The following LYPD3 variants were observed in gnomAD, a reference collection of about 807,000 sequenced individuals.
LYPD3 encodes LY6/PLAUR domain containing 3.
A neutral mutation model predicts 21.7 loss-of-function variants in LYPD3; 22 were observed. The observed-to-expected ratio is 1.01, with a 90% confidence interval of 0.72 to 1.45. The LOEUF is 1.45. LYPD3 is among the 40% of genes most tolerant of loss of function. The pLI is 0.00. For synonymous variants in LYPD3, 179 were observed against 203.0 expected (o/e 0.88, Z 1.00); for missense variants, 471 against 466.9 (o/e 1.01, Z -0.08).
intron 2 of LYPD3, 125 bp from the exon 3 acceptor site, chr19:43,463,894 A>C: frequency 1.0e-6 from 1 of 979,724 alleles, no homozygotes; most frequent in Non-Finnish European, 1.6e-6. Context: ...ACCGACAGGC[A>C]GGAATTGGCG....
chr19:43,463,377 G>C (rs776487728), intron 3 of LYPD3, 90 bp from the exon 4 acceptor site: 3 of 1,478,996 alleles, frequency 2.0e-6, no homozygotes, highest in Non-Finnish European at 2.8e-6. Context: ...GCCTGGCCCC[G>C]GCACTATCGA....
Position 43,463,295 on chromosome 19 carries a change from G to A in LYPD3, c.383-8C>T. The A allele has an allele frequency of 1.2e-6, 2 of 1,600,424 alleles. No individual in the cohort carries two copies. Among genetic ancestry groups the A allele is most frequent in the South Asian group, 1.1e-5 (1 of 91,078 alleles). On this transcript the variant is annotated splice_polypyrimidine_tract_variant and splice_region_variant and intron_variant, in intron 3 of 4. Transcript: ENST00000244333. ...GGTATGCACTCTCATTACCTGCGAG[G>A]GGAGCCGAGAGGAAGAAAAGGTGTC...
In LYPD3 at chr19:43,463,259, G is replaced by A. The variant is rs1427741394; in HGVS notation, c.411C>T (p.Gly137=). ...AGNESAYPPN[G]VECYSCVGLS... Reference sequence around the variant, plus strand: ...GGCCCACACAGCTGTAGCACTCCACGCCGTTGGGCGGGTATGCACTCTCAT... The same window carrying A: ...GGCCCACACAGCTGTAGCACTCCACACCGTTGGGCGGGTATGCACTCTCAT... Residue 137 remains glycine (G), a synonymous_variant, in exon 4 of 5, where the codon GGC becomes GGT. Transcript: ENST00000244333. The A allele has an allele frequency of 1.2e-6, 2 of 1,604,498 alleles. No individual in the cohort carries two copies. Among genetic ancestry groups the A allele is most frequent in the Non-Finnish European group, 8.5e-7 (1 of 1,179,980 alleles).
At chr19:43,462,287 C>T (rs943489901) in intron 4 of LYPD3, among the ~76,000 whole-genome samples, 2 of 152,208 alleles carry the variant, frequency 1.3e-5, no homozygotes, top group Non-Finnish European at 2.9e-5. Flanking sequence ...AACAAACTTC[C>T]TCTACAACCC....
chr19:43,461,287 G>T lies in LYPD3; in HGVS notation c.*64C>A. 6.8e-7 allele frequency: 1 copy of T among 1,478,150 alleles called. No individual in the cohort carries two copies. The allele number at this position is 1,478,150 out of a possible 1,614,324, so 91.6% of individuals were successfully genotyped here. ...CAGTCCAGTGGTGGGAACAGGAAGT[G>T]ATGAGAAGAGGGGTACCCAGGGCCA... On this transcript the variant is annotated 3_prime_UTR_variant, in exon 5 of 5. Transcript: ENST00000244333.
At chr19:43,463,858 G>T in intron 2 of LYPD3, 89 bp from the exon 3 acceptor site, 1 of 1,308,674 alleles carries the variant, frequency 7.6e-7, no homozygotes, top group Non-Finnish European at 1.1e-6. Context: ...GGAGGGGCGG[G>T]GCCTCAAATA....
At position 43,464,363 on chromosome 19, in the gene LYPD3, ACGCCCGGCG is replaced by A; in HGVS notation, c.164_172del (p.Ala55_Gly57del). The A allele has an allele frequency of 6.2e-7, 1 of 1,613,632 alleles. No homozygotes were observed. The highest frequency in any genetic ancestry group is 1.1e-5 in the South Asian group (1 of 91,004). ...CCCCACGGCCTCGGTGCAGACGTCC[ACGCCCGGCG>A]CGCACTTCACTGTCTTCATCTTGTT... is the stretch of plus-strand genomic sequence containing the variant. On this transcript the variant is annotated inframe_deletion, in exon 2 of 5. Coordinates refer to ENST00000244333, the MANE Select transcript of LYPD3 (RefSeq NM_014400.3).
At chr19:43,463,448 A>G (rs1412164952) in intron 3 of LYPD3, 151 bp downstream of exon 3, 42 of 1,368,004 alleles carry the variant, frequency 3.1e-5, no homozygotes, top group Non-Finnish European at 3.9e-5. Flanking sequence ...ACAGCCAGAA[A>G]GTCCCTCCTG....
Position 43,460,887 on chromosome 19 carries a change from T to C in LYPD3, c.*464A>G. On this transcript the variant is annotated 3_prime_UTR_variant, in exon 5 of 5. Transcript: ENST00000244333. Reference sequence around the variant, plus strand: ...GTCCCTGCCCTCGAGGAGCTCACAGTCTAGTAAGGAAGACATATGGGGAAC... The same window carrying C: ...GTCCCTGCCCTCGAGGAGCTCACAGCCTAGTAAGGAAGACATATGGGGAAC... 1 of 182,602 alleles carries C rather than the reference T, an allele frequency of 5.5e-6. No homozygotes were observed. The highest frequency in any genetic ancestry group is 1.2e-5 in the Non-Finnish European group (1 of 86,100). 11.3% of individuals were successfully genotyped at this position (182,602 alleles called of 1,614,324 possible).
At position 43,461,174 on chromosome 19, in the gene LYPD3, A is replaced by G. The variant is rs1480547018; in HGVS notation, c.*177T>C. The G allele has an allele frequency of 5.6e-6, 4 of 712,414 alleles. No individual in the cohort carries two copies. The African/African-American group carries it at 7.2e-5, about 13-fold the overall frequency. The allele number at this position is 712,414 out of a possible 1,614,324, so 44.1% of individuals were successfully genotyped here. On this transcript the variant is annotated 3_prime_UTR_variant, in exon 5 of 5. Coordinates refer to ENST00000244333, the MANE Select transcript of LYPD3 (RefSeq NM_014400.3). ...GAACACCCCTGGCAGAATATATACA[A>G]CGGTATTTTATTTCCCAAAGCCGCA...
chr19:43,461,596 TG>T lies in LYPD3; in HGVS notation c.795del (p.Thr266HisfsTer19), dbSNP rs764989349. On this transcript the variant is annotated frameshift_variant, in exon 5 of 5. Coordinates refer to ENST00000244333, the MANE Select transcript of LYPD3 (RefSeq NM_014400.3). LOFTEE classifies it low-confidence loss of function (END_TRUNC). ...GCTGGCATGGGTTTGGTGGTGGATGTGGGTCTCACTGGGGCCGAGGTAGAAG... is the reference window on the plus strand; with the variant it reads ...GCTGGCATGGGTTTGGTGGTGGATGTGGTCTCACTGGGGCCGAGGTAGAAG... Reference protein sequence around the residue: ...VTTSTSAPVRPTSTTKPMPAP... With the variant: ...VTTSTSAPVRXTSTTKPMPAP... The T allele has an allele frequency of 4.3e-6, 7 of 1,614,058 alleles. No individual in the cohort carries two copies. The highest frequency in any genetic ancestry group is 4.2e-6 in the Non-Finnish European group (5 of 1,180,002).
intron 1 of LYPD3, 37 bp from the exon 2 acceptor site, chr19:43,464,493 T>C: frequency 6.2e-7 from 1 of 1,612,888 alleles, no homozygotes; most frequent in Non-Finnish European, 8.5e-7. Flanking sequence ...GAGCCCTCCT[T>C]GCTAAAGCGT....
intron 4 of LYPD3, 88 bp downstream of exon 4, chr19:43,463,038 G>C: frequency 2.8e-6 from 4 of 1,449,614 alleles, no homozygotes; most frequent in East Asian, 2.3e-5. Flanking sequence ...TTAAGGAAAC[G>C]CTTTGGGTAA....
In LYPD3 at chr19:43,461,731, A is replaced by T. The variant is rs752095569; in HGVS notation, c.661T>A (p.Cys221Ser). 6 of 1,614,112 alleles carry T rather than the reference A, an allele frequency of 3.7e-6. No individual in the cohort carries two copies. Among genetic ancestry groups the T allele is most frequent in the Non-Finnish European group, 4.2e-6 (5 of 1,180,020 alleles). Residue 221 changes from cysteine to serine, a missense_variant, in exon 5 of 5, where the codon TGT becomes AGT. Cys to Ser is a moderately radical substitution (Grantham distance 112). Coordinates refer to ENST00000244333, the MANE Select transcript of LYPD3 (RefSeq NM_014400.3). ...GTCTTGTTGCGGAGGTCAGAGTTAC[A>T]GCGGGACCCCTGGCAACAGGAGCCA... is the stretch of plus-strand genomic sequence containing the variant. Reference protein sequence around the residue: ...LSGSCCQGSRCNSDLRNKTYF... With the variant: ...LSGSCCQGSRSNSDLRNKTYF...
chr19:43,464,011 C>T (rs111509010), intron 2 of LYPD3: 21 of 616,842 alleles, frequency 3.4e-5, no homozygotes, highest in African/African-American at 2.2e-4. Flanking sequence ...TCGGAGGAGA[C>T]AGCCTGGTTG....
chr19:43,461,817 C>T lies in LYPD3; in HGVS notation c.575G>A (p.Gly192Asp), dbSNP rs375655493. 1.4e-5 allele frequency: 22 copies of T among 1,612,584 alleles called. No homozygotes were observed. Among genetic ancestry groups the T allele is most frequent in the Non-Finnish European group, 1.7e-5 (20 of 1,178,850 alleles). ...ANVTVSLPVR[G>D]CVQDEFCTRD... Reference sequence around the variant, plus strand: ...AGTGCAGAATTCATCCTGGACACAGCCCCGGACAGGCAAGGACACAGTCAC... The same window carrying T: ...AGTGCAGAATTCATCCTGGACACAGTCCCGGACAGGCAAGGACACAGTCAC... Residue 192 changes from glycine to aspartate, a missense_variant, in exon 5 of 5, where the codon GGC becomes GAC. Coordinates refer to ENST00000244333, the MANE Select transcript of LYPD3 (RefSeq NM_014400.3).
At position 43,461,742 on chromosome 19, in the gene LYPD3, T is replaced by C. The variant is rs771190208; in HGVS notation, c.650A>G (p.Gln217Arg). 12 of 1,614,016 alleles carry C rather than the reference T, an allele frequency of 7.4e-6. No homozygotes were observed. Among genetic ancestry groups the C allele is most frequent in the Non-Finnish European group, 1.0e-5 (12 of 1,180,036 alleles). Residue 217 changes from glutamine (Q) to arginine (R), a missense_variant, in exon 5 of 5, where the codon CAG becomes CGG. Physicochemically the swap from Gln to Arg is conservative, Grantham distance 43 (BLOSUM62 1). Transcript: ENST00000244333. The stretch of plus-strand genomic sequence containing the variant: ...GAGGTCAGAGTTACAGCGGGACCCC[T>C]GGCAACAGGAGCCACTGAGCGTGAA... ...PGFTLSGSCC[Q>R]GSRCNSDLRN...
In LYPD3 at chr19:43,463,788, G is replaced by C; in HGVS notation, c.212-19C>G. 6.2e-7 allele frequency: 1 copy of C among 1,610,938 alleles called. No homozygotes were observed. Among genetic ancestry groups the C allele is most frequent in the Non-Finnish European group, 8.5e-7 (1 of 1,179,804 alleles). On this transcript the variant is annotated intron_variant, in intron 2 of 4. Transcript: ENST00000244333. ...CCGTGGACTAGGGAGAGGGACAAGGGCGGGATTAGCTGTGGGCGTGGTCTC... is the reference window on the plus strand; with the variant it reads ...CCGTGGACTAGGGAGAGGGACAAGGCCGGGATTAGCTGTGGGCGTGGTCTC...
chr19:43,463,801 T>TGGGCGTGGTCTCAGATG (rs755844425), intron 2 of LYPD3, 32 bp from the exon 3 acceptor site: 6 of 1,607,656 alleles, frequency 3.7e-6, no homozygotes, highest in Non-Finnish European at 5.1e-6. Context: ...GGATTAGCTG[T>TGGGCGTGGTCTCAGATG]GGGCGTGGTC....
Sources: allele counts gnomAD v4.1 joint callset (sites outside exome capture counted in the v4.1 genomes callset), GRCh38; gene constraint gnomAD v4.1.1; transcripts MANE v1.5; gene names NCBI Gene and HGNC (gene_info 2026-07-23, HGNC 2026-07-21).